TLN2: variants seen among roughly 807,000 people sequenced by gnomAD.
TLN2 encodes the protein talin 2, also known as talin-2.
A neutral mutation model predicts 294.7 loss-of-function variants in TLN2; 118 were observed. The ratio of observed to expected loss-of-function variants is 0.40; its 90% CI spans 0.34 to 0.47. The LOEUF is 0.47. Ranked by LOEUF, TLN2 falls within the 20% of genes least tolerant of loss-of-function variation. The probability of loss-of-function intolerance (pLI) is 0.84; values close to 1 mark genes in which losing one functional copy is unlikely to be tolerated. For synonymous variants in TLN2, 1,431 were observed against 1,304.5 expected (o/e 1.10, Z -2.09); for missense variants, 3,083 against 3,282.2 (o/e 0.94, Z 1.48).
intron 1 of TLN2, among the ~76,000 whole-genome samples, chr15:62,542,943 C>G (rs924156930): frequency 6.6e-6 from 1 of 152,124 alleles, no homozygotes; most frequent in African/African-American, 2.4e-5. Flanking sequence ...TTGCCTTAAA[C>G]CAGTCATTGT....
intron 1 of TLN2, among the ~76,000 whole-genome samples, chr15:62,585,665 A>G (rs550382506): frequency 1.3e-5 from 2 of 152,286 alleles, no homozygotes; most frequent in South Asian, 2.1e-4. Flanking sequence ...GATTTATTGT[A>G]TGTTACTCTG....
chr15:62,804,826 C>G, intron 50 of TLN2, among the ~76,000 whole-genome samples: 1 of 152,126 alleles, frequency 6.6e-6, no homozygotes, highest in East Asian at 1.9e-4. Flanking sequence ...ACATGGTTGC[C>G]TAGGGCTGAA....
chr15:62,664,587 G>T (rs147108980), intron 9 of TLN2, among the ~76,000 whole-genome samples: 1 of 151,872 alleles, frequency 6.6e-6, no homozygotes, highest in African/African-American at 2.4e-5. Flanking sequence ...AGCTGGGCGC[G>T]TTGGCCCACG....
intron 1 of TLN2, among the ~76,000 whole-genome samples, chr15:62,425,251 C>A (rs1055188315): frequency 6.6e-6 from 1 of 152,200 alleles, no homozygotes; most frequent in Non-Finnish European, 1.5e-5. Context: ...CTGTACCCAG[C>A]CCCTATTTGT....
At chr15:62,629,591 C>G (rs1232275093) in intron 3 of TLN2, among the ~76,000 whole-genome samples, 1 of 152,166 alleles carries the variant, frequency 6.6e-6, no homozygotes, top group East Asian at 1.9e-4. Context: ...GTTGTCCTGA[C>G]ATTCCAAGGT....
chr15:62,462,212 T>C (rs1317004205), intron 1 of TLN2, among the ~76,000 whole-genome samples: 1 of 152,124 alleles, frequency 6.6e-6, no homozygotes, highest in Non-Finnish European at 1.5e-5. Flanking sequence ...GCAGCCTGGG[T>C]GACAAAGCAA....
intron 1 of TLN2, among the ~76,000 whole-genome samples, chr15:62,466,361 T>C (rs1438281441): frequency 1.3e-5 from 2 of 152,338 alleles, no homozygotes; most frequent in Admixed American, 1.3e-4. Context: ...TCCTCAGCAC[T>C]GTTGCCGTTT....
chr15:62,716,298 G>A, intron 22 of TLN2, 33 bp from the exon 23 acceptor site: 3 of 1,552,814 alleles, frequency 1.9e-6, no homozygotes, highest in South Asian at 2.5e-5. Context: ...TCTCCTGCTG[G>A]ACCACTTGAA....
intron 19 of TLN2, among the ~76,000 whole-genome samples, chr15:62,706,160 A>C (rs1040996173): frequency 1.3e-5 from 2 of 152,242 alleles, no homozygotes; most frequent in African/African-American, 4.8e-5. Flanking sequence ...AAAAGCCTTG[A>C]CGTGTTTGTT....
intron 36 of TLN2, 132 bp from the exon 37 acceptor site, chr15:62,755,400 C>T (rs1333497462): frequency 1.1e-5 from 13 of 1,137,982 alleles, no homozygotes; most frequent in Non-Finnish European, 1.4e-5. Flanking sequence ...TTGAGGGTCG[C>T]AGAACTAGAC....
chr15:62,440,735 G>A (rs755454299), intron 1 of TLN2, among the ~76,000 whole-genome samples: 5 of 152,146 alleles, frequency 3.3e-5, no homozygotes, highest in Non-Finnish European at 4.4e-5. Flanking sequence ...CCCTTCTAAA[G>A]TAGAGCTGTC....
chr15:62,808,942 A>C (rs2066483360), intron 51 of TLN2, among the ~76,000 whole-genome samples: 1 of 152,236 alleles, frequency 6.6e-6, no homozygotes, highest in Admixed American at 6.5e-5. Flanking sequence ...ATTCCTAGGA[A>C]GAGGGGCTTG....
chr15:62,405,184 C>T (rs906747318), intron 1 of TLN2, among the ~76,000 whole-genome samples: 3 of 152,078 alleles, frequency 2.0e-5, no homozygotes, highest in East Asian at 1.9e-4. Flanking sequence ...TTCAGGGTTG[C>T]GGTTCTTAGC....
chr15:62,623,466 C>T (rs1817910631), intron 3 of TLN2, among the ~76,000 whole-genome samples: 1 of 152,164 alleles, frequency 6.6e-6, no homozygotes, highest in Non-Finnish European at 1.5e-5. Flanking sequence ...CATACTTTTG[C>T]AGTATTGCTG....
In TLN2 at chr15:62,458,814, C is replaced by T. The variant is rs566976793; in HGVS notation, c.-238+68129C>T. 2.0e-5 allele frequency among the ~76,000 whole-genome samples: 3 copies of T among 151,980 alleles called. No individual in the cohort carries two copies. The East Asian group carries it at 5.8e-4, about 29-fold the overall frequency. On this transcript the variant is annotated intron_variant, in intron 1 of 58. Coordinates refer to ENST00000636159, the MANE Select transcript of TLN2 (RefSeq NM_015059.3). The stretch of plus-strand genomic sequence containing the variant: ...TCAAGGATGATGCAGGGCTTGAGTG[C>T]GACTCTCCTTGCATGTCCCTGCTTA...
chr15:62,839,427 G>T (rs2070321550), intron 58 of TLN2, among the ~76,000 whole-genome samples: 1 of 152,200 alleles, frequency 6.6e-6, no homozygotes, highest in African/African-American at 2.4e-5. Flanking sequence ...AAAAATGGAG[G>T]ACAGCAACAT....
At chr15:62,804,700 C>G (rs28454869) in intron 50 of TLN2, among the ~76,000 whole-genome samples, 1 of 152,074 alleles carries the variant, frequency 6.6e-6, no homozygotes, top group African/African-American at 2.4e-5. Context: ...ATTTGGGGTC[C>G]TGGACTGCTT....
intron 1 of TLN2, among the ~76,000 whole-genome samples, chr15:62,425,561 C>G (rs2034664746): frequency 6.6e-6 from 1 of 152,162 alleles, no homozygotes; most frequent in South Asian, 2.1e-4. Flanking sequence ...AGACCTTTAC[C>G]AAGAGGACTG....
intron 1 of TLN2, among the ~76,000 whole-genome samples, chr15:62,569,963 G>A (rs2043729107): frequency 6.6e-6 from 1 of 152,186 alleles, no homozygotes; most frequent in Non-Finnish European, 1.5e-5. Context: ...TTCCCTTTCT[G>A]CCTTGTTCCG....
Sources: allele counts gnomAD v4.1 joint callset (sites outside exome capture counted in the v4.1 genomes callset), GRCh38; gene constraint gnomAD v4.1.1; transcripts MANE v1.5; gene names NCBI Gene and HGNC (gene_info 2026-07-23, HGNC 2026-07-21).